The following PYGB variants were observed in gnomAD, a reference collection of about 807,000 sequenced individuals.
The protein encoded by PYGB is glycogen phosphorylase, brain form.
Under a neutral mutation model 94.3 loss-of-function variants are expected in PYGB, and 82 were observed. That is an observed-to-expected ratio of 0.87 (90% CI 0.73 to 1.04). The LOEUF (loss-of-function observed/expected upper bound fraction) is 1.04, where lower values mean the gene tolerates loss of function less well. PYGB is among the 50% of genes least tolerant of loss of function. PYGB has a pLI of 0.00. For synonymous variants in PYGB, 488 were observed against 479.1 expected (o/e 1.02, Z -0.24); for missense variants, 1,132 against 1,158.2 (o/e 0.98, Z 0.33).
intron 14 of PYGB, among the ~76,000 whole-genome samples, chr20:25,287,881 T>C (rs2088431179): frequency 6.6e-6 from 1 of 151,664 alleles, no homozygotes. Flanking sequence ...CTCAGGAGGC[T>C]GAGGTGGGAG....
chr20:25,278,975 C>A, intron 8 of PYGB, 82 bp from the exon 9 acceptor site: 1 of 1,390,400 alleles, frequency 7.2e-7, no homozygotes, highest in Non-Finnish European at 9.9e-7. Context: ...GGCTCCTTCA[C>A]TTGGGGAGCT....
chr20:25,282,141 C>G lies in PYGB; in HGVS notation c.1512C>G (p.Ile504Met). The change falls in exon 12 of 20, where the codon ATC (isoleucine) becomes ATG (methionine). Residue 504 changes from isoleucine to methionine, a missense_variant. Transcript: ENST00000216962. Reference sequence around the variant, plus strand: ...GCAACCCGGGGCTGGCCGATACCATCGTGGAGGTGAGTCCCGGGCCCCACC... The same window carrying G: ...GCAACCCGGGGCTGGCCGATACCATGGTGGAGGTGAGTCCCGGGCCCCACC... Reference protein sequence around the residue: ...LLCNPGLADTIVEKIGEEFLT... With the variant: ...LLCNPGLADTMVEKIGEEFLT... 1 of 1,611,228 alleles carries G rather than the reference C, an allele frequency of 6.2e-7. No individual in the cohort carries two copies. The highest frequency in any genetic ancestry group is 8.5e-7 in the Non-Finnish European group (1 of 1,178,626).
At chr20:25,264,739 A>T (rs886228475) in intron 2 of PYGB, among the ~76,000 whole-genome samples, 1 of 152,228 alleles carries the variant, frequency 6.6e-6, no homozygotes, top group South Asian at 2.1e-4. Flanking sequence ...GGACCTCTTC[A>T]AGGAGAACTA....
Position 25,292,617 on chromosome 20 carries a change from C to T in PYGB, c.2177+4C>T, listed in dbSNP as rs145116792. 2.3e-4 allele frequency: 369 copies of T among 1,608,722 alleles called. 1 individual carries two copies. The Middle Eastern group carries it at 4.3e-3, about 19-fold the overall frequency. On this transcript the variant is annotated splice_donor_region_variant and intron_variant, in intron 17 of 19. Coordinates refer to ENST00000216962, the MANE Select transcript of PYGB (RefSeq NM_002862.4). ...TCGAGGCCTTGGACCGGAAAGGGTGCGAGCCTGTGCCCCTGGGCACCTGGC... is the reference window on the plus strand; with the variant it reads ...TCGAGGCCTTGGACCGGAAAGGGTGTGAGCCTGTGCCCCTGGGCACCTGGC...
intron 1 of PYGB, among the ~76,000 whole-genome samples, chr20:25,253,793 G>T (rs1263133222): frequency 6.6e-6 from 1 of 152,154 alleles, no homozygotes; most frequent in Non-Finnish European, 1.5e-5. Flanking sequence ...GGATTCCCCA[G>T]ATGTTAAACA....
chr20:25,293,725 C>A (rs763734620), intron 17 of PYGB, among the ~76,000 whole-genome samples: 1 of 152,190 alleles, frequency 6.6e-6, no homozygotes, highest in African/African-American at 2.4e-5. Flanking sequence ...TCTGGTCTTG[C>A]TTGCGTTTTT....
intron 15 of PYGB, 124 bp from the exon 16 acceptor site, chr20:25,290,357 C>G: frequency 2.3e-6 from 3 of 1,291,742 alleles, no homozygotes; most frequent in Non-Finnish European, 3.2e-6. Flanking sequence ...CCTCTACTGA[C>G]CGTCCCGACG....
intron 15 of PYGB, 165 bp downstream of exon 15, chr20:25,288,648 A>C (rs1232399622): frequency 3.9e-6 from 3 of 773,254 alleles, no homozygotes. Flanking sequence ...CCCTGTAGAG[A>C]GTCAGAATGG....
intron 15 of PYGB, among the ~76,000 whole-genome samples, chr20:25,289,101 C>T (rs373527525): frequency 1.3e-5 from 2 of 152,156 alleles, no homozygotes; most frequent in African/African-American, 4.8e-5. Context: ...AGGCCGGGGC[C>T]TGGGGGTGCT....
At chr20:25,279,002 G>T (rs988212464) in intron 8 of PYGB, 55 bp from the exon 9 acceptor site, 3 of 1,538,142 alleles carry the variant, frequency 2.0e-6, no homozygotes, top group Non-Finnish European at 2.7e-6. Context: ...GCCAACAACC[G>T]TGGGTGCCCA....
chr20:25,269,243 C>A, intron 3 of PYGB, 36 bp downstream of exon 3: 2 of 1,510,198 alleles, frequency 1.3e-6, no homozygotes, highest in Non-Finnish European at 9.1e-7. Flanking sequence ...TCTCTCGGAC[C>A]CGTTGGCTTG....
At chr20:25,256,278 T>G (rs1009677589) in intron 1 of PYGB, among the ~76,000 whole-genome samples, 1 of 152,116 alleles carries the variant, frequency 6.6e-6, no homozygotes, top group African/African-American at 2.4e-5. Context: ...TTTAGGTGAT[T>G]GGTATTTGGT....
At chr20:25,293,662 G>A (rs1262226313) in intron 17 of PYGB, among the ~76,000 whole-genome samples, 1 of 152,190 alleles carries the variant, frequency 6.6e-6, no homozygotes, top group Non-Finnish European at 1.5e-5. Context: ...CCCGTCCTGG[G>A]ATGCCCATGT....
intron 3 of PYGB, among the ~76,000 whole-genome samples, chr20:25,270,692 A>G (rs1369251749): frequency 6.6e-6 from 1 of 152,114 alleles, no homozygotes; most frequent in Non-Finnish European, 1.5e-5. Context: ...ACAGGGTCTC[A>G]CTATGTTGCC....
intron 14 of PYGB, among the ~76,000 whole-genome samples, chr20:25,285,977 G>C (rs1033199375): frequency 6.6e-6 from 1 of 152,204 alleles, no homozygotes; most frequent in African/African-American, 2.4e-5. Context: ...CGGTTTGGCT[G>C]AAGATGCCAG....
chr20:25,292,764 G>T (rs1392692666), intron 17 of PYGB, 151 bp downstream of exon 17: 4 of 1,104,318 alleles, frequency 3.6e-6, no homozygotes, highest in Non-Finnish European at 5.1e-6. Context: ...GCCTGCAGGG[G>T]TGACCATTTC....
In PYGB at chr20:25,284,373, A is replaced by G. The variant is rs57477689; in HGVS notation, c.1768+122A>G. ...GGGCTGTGTGTGTATAGGCGTGTGC[A>G]TGTGTGATGTGGCACGTTTATTTTA... On this transcript the variant is annotated intron_variant, in intron 14 of 19. Transcript: ENST00000216962. The G allele has an allele frequency of 2.5e-4, 325 of 1,288,432 alleles. 2 individuals are homozygous for G. The East Asian group carries it at 7.8e-3, about 31-fold the overall frequency. 79.8% of individuals were successfully genotyped at this position (1,288,432 alleles called of 1,614,324 possible).
rs748581179 is a variant in PYGB at position 25,280,973 on chromosome 20, G to A, written c.1264G>A (p.Asp422Asn). 1.9e-5 allele frequency: 31 copies of A among 1,613,908 alleles called. No individual in the cohort carries two copies. The highest frequency in any genetic ancestry group is 6.7e-5 in the Admixed American group (4 of 60,006). Residue 422 changes from aspartate to asparagine, a missense_variant, in exon 11 of 20, where the codon GAT (aspartate) becomes AAT (asparagine). By Grantham distance (23) the Asp-to-Asn change is conservative. Coordinates refer to ENST00000216962, the MANE Select transcript of PYGB (RefSeq NM_002862.4). Reference sequence around the variant, plus strand: ...GCACGTGGCCGCGCTGTTTCCCGGCGATGTGGACCGCCTGCGCAGGATGTC... The same window carrying A: ...GCACGTGGCCGCGCTGTTTCCCGGCAATGTGGACCGCCTGCGCAGGATGTC... ...LDHVAALFPG[D>N]VDRLRRMSVI...
chr20:25,253,015 A>T (rs1203330455), intron 1 of PYGB, among the ~76,000 whole-genome samples: 1 of 152,270 alleles, frequency 6.6e-6, no homozygotes, highest in East Asian at 1.9e-4. Context: ...GTTATGAATA[A>T]CAAAAGACAC....
Sources: allele counts gnomAD v4.1 joint callset (sites outside exome capture counted in the v4.1 genomes callset), GRCh38; gene constraint gnomAD v4.1.1; transcripts MANE v1.5; gene names NCBI Gene and HGNC (gene_info 2026-07-23, HGNC 2026-07-21).